SRPK2: variants seen among roughly 807,000 people sequenced by gnomAD.
The protein encoded by SRPK2 is SFRS protein kinase 2.
Under a neutral mutation model 90.8 loss-of-function variants are expected in SRPK2, and 21 were observed. The ratio of observed to expected loss-of-function variants is 0.23; its 90% CI spans 0.16 to 0.33. The LOEUF (loss-of-function observed/expected upper bound fraction) is 0.33, where lower values mean the gene tolerates loss of function less well. Among genes scored for constraint, SRPK2 ranks in the 10% least tolerant of loss-of-function variants. SRPK2 has a pLI of 1.00. For missense variants in SRPK2, 620 were observed against 869.0 expected, an observed-to-expected ratio of 0.71 and a Z score of 3.60; for synonymous variants, 288 against 311.1, an observed-to-expected ratio of 0.93 and a Z score of 0.78.
At chr7:105,126,941 C>G (rs376105085) in intron 14 of SRPK2, 52 bp downstream of exon 14, 30 of 1,574,528 alleles carry the variant, frequency 1.9e-5, no homozygotes, top group Non-Finnish European at 2.3e-5. Flanking sequence ...TACAGAAGTT[C>G]AGGGCTGGCA....
Position 105,158,268 on chromosome 7 carries a change from T to TC in SRPK2, c.621+2238dup, listed in dbSNP as rs201411770. ...CTGTGAATTCACCTTTTTTTTTTTT[T>TC]CCCTGAGATGGAGTCTTGTTCTGTT... On this transcript the variant is annotated intron_variant, in intron 7 of 15. Coordinates refer to ENST00000393651, the MANE Select transcript of SRPK2 (RefSeq NM_182692.3). Among the ~76,000 whole-genome samples, 125 of 151,486 alleles carry TC rather than the reference T, an allele frequency of 8.3e-4. 2 individuals carry two copies. In the East Asian group the frequency reaches 0.015, roughly 18 times the overall value.
At chr7:105,168,745 A>ATGTATGTGTGTGTGTGTGTGTGTGTGTG (rs1790413401) in intron 4 of SRPK2, among the ~76,000 whole-genome samples, 13 of 104,082 alleles carry the variant, frequency 1.2e-4, no homozygotes, top group Non-Finnish European at 2.7e-4. Context: ...CACGCACCAA[A>ATGTATGTGTGTGTGTGTGTGTGTGTGTG]TGTGTGTGTG....
intron 2 of SRPK2, among the ~76,000 whole-genome samples, chr7:105,257,716 C>G (rs1803528339): frequency 6.6e-6 from 1 of 151,932 alleles, no homozygotes; most frequent in South Asian, 2.1e-4. Context: ...GCAAACAATA[C>G]AGGTTCTCTA....
chr7:105,134,262 A>C (rs879026879), intron 11 of SRPK2, among the ~76,000 whole-genome samples: 1 of 152,154 alleles, frequency 6.6e-6, no homozygotes, highest in Non-Finnish European at 1.5e-5. Context: ...TCATGGGGGC[A>C]GATTTCCACG....
At chr7:105,124,609 C>G (rs1430490396) in intron 15 of SRPK2, among the ~76,000 whole-genome samples, 1 of 94,202 alleles carries the variant, frequency 1.1e-5, no homozygotes, top group Admixed American at 1.4e-4. Context: ...CCACTGCACT[C>G]CAGCCTGGAC....
chr7:105,139,387 G>A (rs1334719654), intron 11 of SRPK2, among the ~76,000 whole-genome samples: 1 of 152,166 alleles, frequency 6.6e-6, no homozygotes, highest in Non-Finnish European at 1.5e-5. Flanking sequence ...GGCAAAATGA[G>A]ATGATTTACT....
intron 2 of SRPK2, among the ~76,000 whole-genome samples, chr7:105,217,569 C>T (rs1797620775): frequency 6.6e-6 from 1 of 152,220 alleles, no homozygotes; most frequent in African/African-American, 2.4e-5. Context: ...AAGCATCCCA[C>T]CAATGCAGAC....
chr7:105,122,929 G>A (rs978356278), intron 15 of SRPK2, among the ~76,000 whole-genome samples: 2 of 151,054 alleles, frequency 1.3e-5, no homozygotes, highest in African/African-American at 2.4e-5. Context: ...CATTATCCAC[G>A]CAGCAATTTT....
intron 3 of SRPK2, among the ~76,000 whole-genome samples, chr7:105,175,059 T>C (rs1056777540): frequency 3.9e-5 from 6 of 151,966 alleles, no homozygotes; most frequent in Non-Finnish European, 7.4e-5. Flanking sequence ...GCAGAATCTC[T>C]TGAACCCAGG....
intron 2 of SRPK2, among the ~76,000 whole-genome samples, chr7:105,335,074 G>A (rs1423523046): frequency 2.0e-5 from 3 of 152,144 alleles, no homozygotes; most frequent in South Asian, 4.1e-4. Context: ...AGGAGGCTGA[G>A]GAAGGAGAAT....
At chr7:105,170,804 GGAGA>G (rs1227748135) in intron 3 of SRPK2, among the ~76,000 whole-genome samples, 2 of 95,460 alleles carry the variant, frequency 2.1e-5, no homozygotes, top group Non-Finnish European at 4.1e-5. Flanking sequence ...AGGGAGGGAG[GGAGA>G]GAGAGAGGGA....
In SRPK2 at chr7:105,190,161, G is replaced by A. The variant is rs565092329; in HGVS notation, c.229+13467C>T. 4.6e-5 allele frequency among the ~76,000 whole-genome samples: 7 copies of A among 152,336 alleles called. No homozygotes were observed. In the East Asian group the frequency reaches 7.7e-4, roughly 17 times the overall value. On this transcript the variant is annotated intron_variant, in intron 3 of 15. Transcript: ENST00000393651. ...GTCTGGATCCTGCGCTCCCTCTGGC[G>A]ACTTCCAGATCCAAAAGGGCAGATT...
At chr7:105,244,172 C>T (rs1801242792) in intron 2 of SRPK2, among the ~76,000 whole-genome samples, 1 of 152,160 alleles carries the variant, frequency 6.6e-6, no homozygotes, top group Non-Finnish European at 1.5e-5. Context: ...CCACTGAGTC[C>T]ATGAGAACAC....
intron 2 of SRPK2, among the ~76,000 whole-genome samples, chr7:105,311,390 G>T (rs112342815): frequency 1.3e-5 from 2 of 152,004 alleles, no homozygotes; most frequent in African/African-American, 4.8e-5. Context: ...CTGCCACCAC[G>T]CCTAGCTAAC....
At chr7:105,136,069 T>A (rs1220404965) in intron 11 of SRPK2, among the ~76,000 whole-genome samples, 1 of 152,170 alleles carries the variant, frequency 6.6e-6, no homozygotes, top group Admixed American at 6.5e-5. Context: ...CTGGCCTAAA[T>A]TCAGGGGTGT....
At chr7:105,301,202 G>A (rs1810504440) in intron 2 of SRPK2, among the ~76,000 whole-genome samples, 1 of 151,944 alleles carries the variant, frequency 6.6e-6, no homozygotes, top group African/African-American at 2.4e-5. Flanking sequence ...CCAGCACTTT[G>A]GGAGGCCGAG....
intron 3 of SRPK2, among the ~76,000 whole-genome samples, chr7:105,193,471 C>T (rs757598526): frequency 7.2e-5 from 11 of 152,152 alleles, no homozygotes; most frequent in African/African-American, 2.2e-4. Flanking sequence ...TAATGTGATG[C>T]CTTCAAATTT....
At chr7:105,187,078 C>G (rs376329100) in intron 3 of SRPK2, among the ~76,000 whole-genome samples, 2 of 152,276 alleles carry the variant, frequency 1.3e-5, no homozygotes, top group East Asian at 1.9e-4. Flanking sequence ...ATTCTTGATA[C>G]ATAAAATCAT....
At chr7:105,176,621 G>GTATATATATA (rs60848545) in intron 3 of SRPK2, among the ~76,000 whole-genome samples, 36 of 147,552 alleles carry the variant, frequency 2.4e-4, no homozygotes, top group African/African-American at 9.2e-4. Context: ...ATACGTGTGT[G>GTATATATATA]TATATATATA....
Sources: allele counts gnomAD v4.1 joint callset (sites outside exome capture counted in the v4.1 genomes callset), GRCh38; gene constraint gnomAD v4.1.1; transcripts MANE v1.5; gene names NCBI Gene and HGNC (gene_info 2026-07-23, HGNC 2026-07-21).